Variants in MYO1D observed in about 807,000 individuals in gnomAD.
MYO1D encodes unconventional myosin-Id.
Under a neutral mutation model 122.0 loss-of-function variants are expected in MYO1D, and 83 were observed. That is an observed-to-expected ratio of 0.68 (90% CI 0.57 to 0.82). The LOEUF (loss-of-function observed/expected upper bound fraction) is 0.82. MYO1D is among the 40% of genes least tolerant of loss of function. MYO1D has a pLI of 0.00. For missense variants in MYO1D, 1,157 were observed against 1,269.5 expected (o/e 0.91, Z 1.35); for synonymous variants, 464 against 446.9 (o/e 1.04, Z -0.48).
chr17:32,696,098 A>C (rs1188252740), intron 16 of MYO1D, among the ~76,000 whole-genome samples: 1 of 152,196 alleles, frequency 6.6e-6, no homozygotes, highest in African/African-American at 2.4e-5. Flanking sequence ...ATGTGCTTGC[A>C]TATTGTTGCA....
intron 16 of MYO1D, among the ~76,000 whole-genome samples, chr17:32,661,101 G>A (rs960886176): frequency 5.9e-5 from 9 of 152,154 alleles, no homozygotes; most frequent in African/African-American, 1.9e-4. Context: ...CATTTTATAA[G>A]TAAGTACTTT....
intron 21 of MYO1D, among the ~76,000 whole-genome samples, chr17:32,586,966 C>T (rs541128286): frequency 3.2e-4 from 49 of 152,236 alleles, no homozygotes; most frequent in African/African-American, 1.1e-3. Context: ...GCTTGTTCTT[C>T]GTTTCAAAAA....
intron 14 of MYO1D, among the ~76,000 whole-genome samples, chr17:32,723,981 T>C (rs2089541909): frequency 6.6e-6 from 1 of 152,316 alleles, no homozygotes; most frequent in African/African-American, 2.4e-5. Flanking sequence ...ACTTTAAAAA[T>C]AGTGATGTGT....
At chr17:32,725,355 C>CAAAA (rs2089559424) in intron 14 of MYO1D, among the ~76,000 whole-genome samples, 1 of 151,794 alleles carries the variant, frequency 6.6e-6, no homozygotes, top group African/African-American at 2.4e-5. Flanking sequence ...CCCGTTTCTA[C>CAAAA]TAAAAATACA....
At position 32,502,101 on chromosome 17, in the gene MYO1D, G is replaced by T. The variant is rs1909336034; in HGVS notation, c.2865-7186C>A. Among the ~76,000 whole-genome samples the T allele has an allele frequency of 3.3e-5, 5 of 152,322 alleles. No homozygotes were observed. In the South Asian group the frequency reaches 1.0e-3, roughly 32 times the overall value. ...TTCTTCTGTGTTGATGACTGTGGTG[G>T]TGGTGTGAGAGCAGAGGAAACAGTT... is the stretch of plus-strand genomic sequence containing the variant. On this transcript the variant is annotated intron_variant, in intron 21 of 21. Transcript: ENST00000318217.
intron 8 of MYO1D, among the ~76,000 whole-genome samples, chr17:32,761,411 C>T (rs1303767860): frequency 2.0e-5 from 3 of 152,216 alleles, no homozygotes; most frequent in Non-Finnish European, 4.4e-5. Context: ...CTTGCTCTGT[C>T]GCTCAGCATC....
intron 21 of MYO1D, among the ~76,000 whole-genome samples, chr17:32,547,373 A>G (rs1229632709): frequency 1.3e-5 from 2 of 152,224 alleles, no homozygotes; most frequent in Non-Finnish European, 2.9e-5. Context: ...CTGCATAAAA[A>G]TCCCATGGGA....
intron 19 of MYO1D, among the ~76,000 whole-genome samples, chr17:32,648,167 T>C (rs944269850): frequency 1.3e-5 from 2 of 152,030 alleles, no homozygotes; most frequent in African/African-American, 4.8e-5. Context: ...TGAGCCAAAA[T>C]TGCGCCACAG....
rs545906199 is a variant in MYO1D, at chr17:32,748,822, T to C, written c.1538+114A>G. ...GAACAAATTAAAATATATTGACATA[T>C]CAAATGACCAAAACATGCAAATGAA... On this transcript the variant is annotated intron_variant, in intron 12 of 21. Coordinates refer to ENST00000318217, the MANE Select transcript of MYO1D (RefSeq NM_015194.3). The C allele has an allele frequency of 1.1e-5, 11 of 961,892 alleles. No individual in the cohort carries two copies. In the African/African-American group the frequency reaches 1.8e-4, roughly 16 times the overall value. The allele number at this position is 961,892 out of a possible 1,614,324, so 59.6% of individuals were successfully genotyped here.
intron 16 of MYO1D, among the ~76,000 whole-genome samples, chr17:32,691,151 G>A (rs960166722): frequency 1.3e-5 from 2 of 151,686 alleles, no homozygotes; most frequent in Non-Finnish European, 2.9e-5. Context: ...CAGCTACTGG[G>A]GAGGCCAACA....
At chr17:32,762,769 G>T (rs899670717) in intron 8 of MYO1D, among the ~76,000 whole-genome samples, 1 of 151,792 alleles carries the variant, frequency 6.6e-6, no homozygotes, top group Non-Finnish European at 1.5e-5. Context: ...AGCTACTCAG[G>T]AGGCTGAGGC....
At chr17:32,688,907 CTT>C (rs2089057579) in intron 16 of MYO1D, among the ~76,000 whole-genome samples, 1 of 150,020 alleles carries the variant, frequency 6.7e-6, no homozygotes, top group South Asian at 2.1e-4. Context: ...CATATGGTCT[CTT>C]TGATTTTTGA....
At chr17:32,776,636 G>C (rs2090174704) in intron 3 of MYO1D, among the ~76,000 whole-genome samples, 1 of 152,116 alleles carries the variant, frequency 6.6e-6, no homozygotes, top group South Asian at 2.1e-4. Context: ...CAATTTTTAA[G>C]GCACTTGCTT....
intron 16 of MYO1D, among the ~76,000 whole-genome samples, chr17:32,671,503 C>T (rs1320830668): frequency 6.6e-6 from 1 of 152,206 alleles, no homozygotes; most frequent in Admixed American, 6.5e-5. Flanking sequence ...TTCTGTAAAT[C>T]TAAAATTATT....
chr17:32,563,589 C>T (rs1182433473), intron 21 of MYO1D, among the ~76,000 whole-genome samples: 1 of 152,092 alleles, frequency 6.6e-6, no homozygotes, highest in Non-Finnish European at 1.5e-5. Flanking sequence ...TGCTTCAGCA[C>T]CTGCATCTTA....
At chr17:32,729,445 A>G (rs2089611668) in intron 14 of MYO1D, among the ~76,000 whole-genome samples, 1 of 152,186 alleles carries the variant, frequency 6.6e-6, no homozygotes, top group African/African-American at 2.4e-5. Flanking sequence ...GGACTCTGTG[A>G]AAGTGAGGAG....
rs575536562 is a variant in MYO1D at position 32,761,335 on chromosome 17, T to C, written c.1036-708A>G. On this transcript the variant is annotated intron_variant, in intron 8 of 21. Coordinates refer to ENST00000318217, the MANE Select transcript of MYO1D (RefSeq NM_015194.3). Reference sequence around the variant, plus strand: ...TCTCCACTTACATCCTATTACTCCATTGAAATGGCTCATCAAAGACTCCCA... The same window carrying C: ...TCTCCACTTACATCCTATTACTCCACTGAAATGGCTCATCAAAGACTCCCA... 6.6e-5 allele frequency among the ~76,000 whole-genome samples: 10 copies of C among 152,180 alleles called. No individual in the cohort carries two copies. In the South Asian group the frequency reaches 1.5e-3, roughly 22 times the overall value.
chr17:32,647,208 A>AATATAAATG (rs1452871442), intron 19 of MYO1D, among the ~76,000 whole-genome samples: 4 of 152,350 alleles, frequency 2.6e-5, no homozygotes, highest in Admixed American at 2.6e-4. Flanking sequence ...GAAGTCTTTC[A>AATATAAATG]CCTTAAAGGA....
intron 13 of MYO1D, among the ~76,000 whole-genome samples, chr17:32,742,735 T>C (rs1001017324): frequency 1.3e-5 from 2 of 152,198 alleles, no homozygotes; most frequent in African/African-American, 4.8e-5. Context: ...CTCTCTCACA[T>C]TCCTGTCTCT....
Sources: gnomAD v4.1 joint callset for allele counts (sites outside exome capture counted in the v4.1 genomes callset) on GRCh38, gnomAD v4.1.1 for gene constraint, MANE v1.5 for transcripts, NCBI Gene and HGNC (gene_info 2026-07-23, HGNC 2026-07-21) for gene names.